The following PCDHGA10 variants were observed in gnomAD, a reference collection of about 807,000 sequenced individuals.
PCDHGA10 encodes protocadherin gamma-A10.
PCDHGA10 carries 42 observed loss-of-function variants against 59.5 expected under a neutral mutation model. The ratio of observed to expected loss-of-function variants is 0.71; its 90% CI spans 0.55 to 0.91. PCDHGA10 has a LOEUF of 0.91. PCDHGA10 is among the 40% of genes least tolerant of loss of function. The pLI is 0.00. For missense variants in PCDHGA10, 1,111 were observed against 1,198.2 expected (o/e 0.93, Z 1.07); for synonymous variants, 511 against 517.2 (o/e 0.99, Z 0.16).
At chr5:141,496,637 C>T (rs907246032) in intron 2 of PCDHGA10, among the ~76,000 whole-genome samples, 6 of 152,214 alleles carry the variant, frequency 3.9e-5, no homozygotes, top group Non-Finnish European at 7.3e-5. Context: ...GCTTGGGCTG[C>T]CCTTGCCCTT....
At position 141,486,047 on chromosome 5, in the gene PCDHGA10, C is replaced by G. The variant is rs763394605; in HGVS notation, c.2437-8760C>G. The G allele has an allele frequency of 3.1e-6, 5 of 1,614,172 alleles. No homozygotes were observed. The East Asian group carries it at 6.7e-5, about 22-fold the overall frequency. On this transcript the variant is annotated intron_variant, in intron 1 of 3. Transcript: ENST00000398610. This position sits in a 1 kb window ranked among gnomAD's most constrained non-coding sequence, Gnocchi z 5.0. ...TCATACCCCTGATCGTGTAAGAAAC[C>G]TCTTTAGCCTGCACCCCACTACTGG...
chr5:141,419,368 C>T, intron 1 of PCDHGA10: 1 of 1,613,776 alleles, frequency 6.2e-7, no homozygotes, highest in Non-Finnish European at 8.5e-7. Context: ...CGCTGTCGTC[C>T]TACGTGTCCG....
intron 1 of PCDHGA10, chr5:141,478,636 T>G: frequency 1.3e-6 from 2 of 1,552,744 alleles, no homozygotes; most frequent in South Asian, 2.4e-5. Flanking sequence ...TTTTTAGTGA[T>G]GAAGATGTTT....
At position 141,476,994 on chromosome 5, in the gene PCDHGA10, A is replaced by T; in HGVS notation, c.2437-17813A>T. 6.2e-7 allele frequency: 1 copy of T among 1,614,260 alleles called. No individual in the cohort carries two copies. The highest frequency in any genetic ancestry group is 2.2e-5 in the East Asian group (1 of 44,884). On this transcript the variant is annotated intron_variant, in intron 1 of 3. Transcript: ENST00000398610. This position sits in a 1 kb window ranked among gnomAD's most constrained non-coding sequence, Gnocchi z 7.6. ...AGCCACAACCGCGCCGGCGTGCGGC[A>T]ACTATTCGCCTTAGACCTTGTAACC...
chr5:141,504,561 T>G (rs1023434942), intron 2 of PCDHGA10, among the ~76,000 whole-genome samples: 1 of 150,052 alleles, frequency 6.7e-6, no homozygotes, highest in Non-Finnish European at 1.5e-5. Context: ...GGGACTGGCA[T>G]TCTAGGGAAC....
chr5:141,492,833 C>T (rs951935267), intron 1 of PCDHGA10, among the ~76,000 whole-genome samples: 2 of 152,222 alleles, frequency 1.3e-5, no homozygotes, highest in African/African-American at 4.8e-5. Flanking sequence ...CCCTTCCTCC[C>T]GCAGGAAGTG....
rs1168799961 is a variant in PCDHGA10, at chr5:141,487,844, A to G, written c.2437-6963A>G. ...CGGGTCATGCCTATATCTGAGTAAG[A>G]AATGAAAGTAATTGGTGATCAAGAG... On this transcript the variant is annotated intron_variant, in intron 1 of 3. Coordinates refer to ENST00000398610, the MANE Select transcript of PCDHGA10 (RefSeq NM_018913.3). The surrounding 1 kb of genome is among the most constrained non-coding windows in gnomAD (Gnocchi z 5.0). 2 of 1,043,076 alleles carry G rather than the reference A, an allele frequency of 1.9e-6. No homozygotes were observed. Among genetic ancestry groups the G allele is most frequent in the Non-Finnish European group, 2.7e-6 (2 of 730,916 alleles). The allele number at this position is 1,043,076 out of a possible 1,614,324, so 64.6% of individuals were successfully genotyped here.
At chr5:141,440,431 A>G (rs1338519888) in intron 1 of PCDHGA10, 1 of 152,222 alleles carries the variant, frequency 6.6e-6, no homozygotes, top group Non-Finnish European at 1.5e-5. Flanking sequence ...TGGGTGACAG[A>G]GCAAGGCGCC....
chr5:141,510,905 C>T lies in PCDHGA10; in HGVS notation c.2585-42C>T. 4 of 1,613,538 alleles carry T rather than the reference C, an allele frequency of 2.5e-6. No homozygotes were observed. In the South Asian group the frequency reaches 4.4e-5, roughly 18 times the overall value. ...GATATAAGACAGTGACTGTTGAGGA[C>T]CCTAAGTTTAGCTCCCACCTGATCT... On this transcript the variant is annotated intron_variant, in intron 3 of 3. Coordinates refer to ENST00000398610, the MANE Select transcript of PCDHGA10 (RefSeq NM_018913.3).
chr5:141,509,882 GTGAC>G (rs1186067105), intron 3 of PCDHGA10, among the ~76,000 whole-genome samples: 1 of 152,182 alleles, frequency 6.6e-6, no homozygotes, highest in Non-Finnish European at 1.5e-5. Context: ...GGTGGTGATG[GTGAC>G]TGACTGTCCC....
intron 1 of PCDHGA10, among the ~76,000 whole-genome samples, chr5:141,474,116 A>G (rs2099342954): frequency 1.3e-5 from 2 of 152,234 alleles, no homozygotes; most frequent in African/African-American, 4.8e-5. Flanking sequence ...AACAACAACG[A>G]AAATCTCAGA....
intron 1 of PCDHGA10, chr5:141,423,300 G>A (rs1293301567): frequency 2.5e-6 from 4 of 1,614,028 alleles, no homozygotes; most frequent in African/African-American, 1.3e-5. Context: ...CAGACCTCTC[G>A]CTGTACTTGG....
intron 1 of PCDHGA10, chr5:141,441,834 C>T (rs370689467): frequency 2.6e-5 from 9 of 352,638 alleles, no homozygotes; most frequent in Non-Finnish European, 3.9e-5. Flanking sequence ...GCAATGGCTT[C>T]GCGCTCTTGG....
rs946798767 is a variant in PCDHGA10 at position 141,438,591 on chromosome 5, C to CATATAT, written c.2436+23020_2436+23025dup. Among the ~76,000 whole-genome samples the CATATAT allele has an allele frequency of 1.5e-3, 111 of 75,470 alleles. 1 individual carries two copies. Among genetic ancestry groups the CATATAT allele is most frequent in the Non-Finnish European group, 2.3e-3 (84 of 37,244 alleles). 49.5% of individuals were successfully genotyped at this position (75,470 alleles called of 152,430 possible). A position where few individuals can be genotyped will look rare whatever the true frequency, so the allele number is the denominator to read the frequency against. ...TCTGATATACATACATACATACATA[C>CATATAT]ATATATATATATATATATATATATA... On this transcript the variant is annotated intron_variant, in intron 1 of 3. Transcript: ENST00000398610.
rs746408347 is a variant in PCDHGA10 at position 141,486,293 on chromosome 5, G to A, written c.2437-8514G>A. ...TGGCACTGTGGTGGCACTTATCAGT[G>A]TGCAGGATCCAGACTCAGGGTCAAA... On this transcript the variant is annotated intron_variant, in intron 1 of 3. Transcript: ENST00000398610. This position sits in a 1 kb window ranked among gnomAD's most constrained non-coding sequence, Gnocchi z 5.0. The A allele has an allele frequency of 3.1e-6, 5 of 1,614,018 alleles. No homozygotes were observed. In the Admixed American group the frequency reaches 8.3e-5, roughly 27 times the overall value.
At chr5:141,500,877 A>C (rs2099803156) in intron 2 of PCDHGA10, among the ~76,000 whole-genome samples, 1 of 122,292 alleles carries the variant, frequency 8.2e-6, no homozygotes, top group African/African-American at 3.9e-5. Flanking sequence ...TTCATTTACA[A>C]TTTTTTTTTT....
At chr5:141,461,328 A>G (rs2154567322) in intron 1 of PCDHGA10, among the ~76,000 whole-genome samples, 1 of 152,282 alleles carries the variant, frequency 6.6e-6, no homozygotes, top group East Asian at 1.9e-4. Flanking sequence ...AATAATGGCC[A>G]TTCTTGCAGG....
chr5:141,419,777 C>T (rs976849391), intron 1 of PCDHGA10: 3 of 1,614,054 alleles, frequency 1.9e-6, no homozygotes, highest in Admixed American at 3.3e-5. Flanking sequence ...CTCGGTCCGC[C>T]AGCGCCTGCT....
At position 141,476,456 on chromosome 5, in the gene PCDHGA10, A is replaced by C; in HGVS notation, c.2437-18351A>C. The C allele has an allele frequency of 6.2e-7, 1 of 1,614,058 alleles. No homozygotes were observed. Among genetic ancestry groups the C allele is most frequent in the Non-Finnish European group, 8.5e-7 (1 of 1,180,010 alleles). On this transcript the variant is annotated intron_variant, in intron 1 of 3. Transcript: ENST00000398610. The surrounding 1 kb of genome is among the most constrained non-coding windows in gnomAD (Gnocchi z 7.6). ...TGTAACTCTGGAGTTGGTAGTGGAGAACCCGCTGGAGCTGTTCAGCGTGGA... is the reference window on the plus strand; with the variant it reads ...TGTAACTCTGGAGTTGGTAGTGGAGCACCCGCTGGAGCTGTTCAGCGTGGA...
Sources: gnomAD v4.1 joint callset for allele counts (sites outside exome capture counted in the v4.1 genomes callset) on GRCh38, gnomAD v4.1.1 for gene constraint, Gnocchi (gnomAD v3.1) non-coding constraint, MANE v1.5 for transcripts, NCBI Gene and HGNC (gene_info 2026-07-23, HGNC 2026-07-21) for gene names.